Variants in SERINC4 observed in about 807,000 individuals in gnomAD.
SERINC4 encodes the protein serine incorporator 4.
A neutral mutation model predicts 52.0 loss-of-function variants in SERINC4; 52 were observed. That is an observed-to-expected ratio of 1.00 (90% CI 0.80 to 1.26). The LOEUF is 1.26. Among genes scored for constraint, SERINC4 ranks in the 50% most tolerant of loss-of-function variants. SERINC4 has a pLI of 0.00. For synonymous variants in SERINC4, 264 were observed against 247.7 expected, an observed-to-expected ratio of 1.07 and a Z score of -0.62; for missense variants, 723 against 632.8, an observed-to-expected ratio of 1.14 and a Z score of -1.53.
chr15:43,794,242 C>T lies in SERINC4; in HGVS notation c.*758G>A. 1 of 424,126 alleles carries T rather than the reference C, an allele frequency of 2.4e-6. No homozygotes were observed. The highest frequency in any genetic ancestry group is 4.7e-5 in the South Asian group (1 of 21,320). 26.3% of individuals were successfully genotyped at this position (424,126 alleles called of 1,614,324 possible). A position where few individuals can be genotyped will look rare whatever the true frequency, so the allele number is the denominator to read the frequency against. On this transcript the variant is annotated 3_prime_UTR_variant, in exon 12 of 12. Transcript: ENST00000319327. ...TCCGGATATGCAGTAGAGGAATCCT[C>T]TAAGAACCATAGAGACTTCTTTTCT...
At chr15:43,798,600 T>C (rs3759791) in intron 3 of SERINC4, 96 bp from the exon 4 acceptor site, 106,406 of 887,828 alleles carry the variant, frequency 0.12, 8,301 homozygotes, top group African/African-American at 0.28. Flanking sequence ...ACCAAAAATA[T>C]AGGAAAGAGG....
rs967197581 is a variant in SERINC4 at position 43,794,252 on chromosome 15, T to TA, written c.*747dup. On this transcript the variant is annotated 3_prime_UTR_variant, in exon 12 of 12. Transcript: ENST00000319327. ...CAGTAGAGGAATCCTCTAAGAACCA[T>TA]AGAGACTTCTTTTCTGTGATTTTTG... 1 of 366,422 alleles carries TA rather than the reference T, an allele frequency of 2.7e-6. No individual in the cohort carries two copies. The allele number at this position is 366,422 out of a possible 1,614,324, so 22.7% of individuals were successfully genotyped here. A position where few individuals can be genotyped will look rare whatever the true frequency, so the allele number is the denominator to read the frequency against.
chr15:43,798,721 A>G (rs765513625), intron 3 of SERINC4: 6 of 624,734 alleles, frequency 9.6e-6, no homozygotes, highest in Admixed American at 2.9e-5. Context: ...CATCTGGGCA[A>G]TGTTTTACAG....
chr15:43,796,946 G>T lies in SERINC4; in HGVS notation c.845-6C>A. The T allele has an allele frequency of 6.2e-7, 1 of 1,610,424 alleles. No individual in the cohort carries two copies. The highest frequency in any genetic ancestry group is 1.1e-5 in the South Asian group (1 of 90,920). ...GAGGCCAGAGCGGGGTTGCTCTGGG[G>T]AGTAAGTATAATTGCTTTAGTCTAC... On this transcript the variant is annotated splice_region_variant and splice_polypyrimidine_tract_variant and intron_variant, in intron 6 of 11. Coordinates refer to ENST00000319327, the MANE Select transcript of SERINC4 (RefSeq NM_001258031.2).
rs2087260633 is a variant in SERINC4 at position 43,798,774 on chromosome 15, C to T, written c.458+185G>A. The stretch of plus-strand genomic sequence containing the variant: ...TACCAAGATAACCCCACTGTTACCT[C>T]CATTTTAGATGCTAGAAGCACAAAG... On this transcript the variant is annotated intron_variant, in intron 3 of 11. Transcript: ENST00000319327. 1.4e-5 allele frequency: 9 copies of T among 654,038 alleles called. No homozygotes were observed. In the South Asian group the frequency reaches 1.5e-4, roughly 11 times the overall value. The allele number at this position is 654,038 out of a possible 1,614,324, so 40.5% of individuals were successfully genotyped here.
intron 9 of SERINC4, chr15:43,795,937 A>T: frequency 1.6e-6 from 1 of 642,394 alleles, no homozygotes; most frequent in Non-Finnish European, 2.7e-6. Flanking sequence ...TCCATTTGTA[A>T]AATGGAGCAA....
At chr15:43,799,665 A>T (rs1047472448) in intron 1 of SERINC4, 179 bp from the exon 2 acceptor site, 2 of 865,758 alleles carry the variant, frequency 2.3e-6, no homozygotes, top group Non-Finnish European at 3.8e-6. Flanking sequence ...CCGCCCACTG[A>T]CAACTTAGTA....
At chr15:43,795,875 A>G (rs1430230342) in intron 9 of SERINC4, 139 bp from the exon 10 acceptor site, 9 of 817,824 alleles carry the variant, frequency 1.1e-5, no homozygotes, top group Non-Finnish European at 1.5e-5. Context: ...TCCAGCATAT[A>G]AGTGGCTGTG....
chr15:43,796,234 AAGAAT>A lies in SERINC4; in HGVS notation c.1068-12_1068-8del. 1 of 1,610,406 alleles carries A rather than the reference AAGAAT, an allele frequency of 6.2e-7. No individual in the cohort carries two copies. Among genetic ancestry groups the A allele is most frequent in the Non-Finnish European group, 8.5e-7 (1 of 1,176,634 alleles). Reference sequence around the variant, plus strand: ...CAGGTAGGAGGCCTCATTGCTGAGAAAGAATAGAGTTCTTAAGCTGGTTTAGTTAA... The same window carrying A: ...CAGGTAGGAGGCCTCATTGCTGAGAAAGAGTTCTTAAGCTGGTTTAGTTAA... On this transcript the variant is annotated splice_polypyrimidine_tract_variant and splice_region_variant and intron_variant, in intron 8 of 11. Transcript: ENST00000319327.
Position 43,797,306 on chromosome 15 carries a change from G to C in SERINC4, c.683C>G (p.Ala228Gly), listed in dbSNP as rs1215857782. 2.6e-6 allele frequency: 4 copies of C among 1,549,490 alleles called. No individual in the cohort carries two copies. In the Admixed American group the frequency reaches 7.8e-5, roughly 30 times the overall value. ...TGCCATGCTGTAGAATCCTAGGGTG[G>C]CCAGCAGGACAGCCAGGAACCAGCT... ...DCSWFLAVLLATLGFYSMAGV... is the reference protein window; with the variant it reads ...DCSWFLAVLLGTLGFYSMAGV... Residue 228 changes from alanine to glycine, a missense_variant, in exon 6 of 12, where the codon GCC (alanine) becomes GGC (glycine). By Grantham distance (60) the Ala-to-Gly change is moderately conservative. Transcript: ENST00000319327.
Position 43,799,408 on chromosome 15 carries a change from G to T in SERINC4, c.181C>A (p.Arg61Ser). 6.4e-7 allele frequency: 1 copy of T among 1,550,820 alleles called. No individual in the cohort carries two copies. Among genetic ancestry groups the T allele is most frequent in the Non-Finnish European group, 8.7e-7 (1 of 1,147,018 alleles). Reference sequence around the variant, plus strand: ...ACATGGAGGAGGATGTAGAACAGGCGGCTGCAAGTGGATGCGGTGAGAGAG... The same window carrying T: ...ACATGGAGGAGGATGTAGAACAGGCTGCTGCAAGTGGATGCGGTGAGAGAG... The part of the protein sequence containing the change: ...WPSLTASTCS[R>S]LFYILLHVGA... The change falls in exon 2 of 12, where the codon CGC becomes AGC. Residue 61 changes from arginine (R) to serine (S), a missense_variant. Coordinates refer to ENST00000319327, the MANE Select transcript of SERINC4 (RefSeq NM_001258031.2).
chr15:43,797,769 C>T, intron 5 of SERINC4, 151 bp downstream of exon 5: 1 of 619,696 alleles, frequency 1.6e-6, no homozygotes, highest in East Asian at 2.8e-5. Context: ...CCTACTTGGC[C>T]CACGCAGTCA....
At position 43,796,860 on chromosome 15, in the gene SERINC4, G is replaced by A. The variant is rs769151952; in HGVS notation, c.925C>T (p.Arg309Cys). 14 of 1,613,974 alleles carry A rather than the reference G, an allele frequency of 8.7e-6. No homozygotes were observed. The highest frequency in any genetic ancestry group is 1.7e-5 in the Admixed American group (1 of 60,010). ...TGTCCCTTACCTCTCTCTGGAGGAC[G>A]GCTGGACAGTGCAGAGAAAGTCAGA... ...MYLTFSALSS[R>C]PPERVILQGQ... is the part of the protein sequence containing the mutation. Residue 309 changes from arginine (R) to cysteine (C), a missense_variant, in exon 7 of 12, where the codon CGT (arginine) becomes TGT (cysteine). Arg to Cys is a radical substitution (Grantham distance 180, BLOSUM62 -3). Transcript: ENST00000319327.
At chr15:43,799,232 C>G (rs1275107356) in intron 2 of SERINC4, 78 bp downstream of exon 2, 33 of 1,512,814 alleles carry the variant, frequency 2.2e-5, no homozygotes, top group Non-Finnish European at 2.9e-5. Flanking sequence ...GTCTCCTGCC[C>G]CCAACCGAAA....
chr15:43,795,690 TTGTC>T lies in SERINC4; in HGVS notation c.1183_1186del (p.Asp395LysfsTer106), dbSNP rs754858046. On this transcript the variant is annotated frameshift_variant, in exon 10 of 12. Transcript: ENST00000319327. LOFTEE classifies it high-confidence loss of function. ...ATGGTTCCTCACTTGGCACTCACCT[TTGTC>T]TGCCTCCACTGTTTCAGGGCAGCAG... 2 of 1,614,066 alleles carry T rather than the reference TTGTC, an allele frequency of 1.2e-6. No homozygotes were observed. The highest frequency in any genetic ancestry group is 1.7e-6 in the Non-Finnish European group (2 of 1,179,952).
chr15:43,798,497 G>T lies in SERINC4; in HGVS notation c.466C>A (p.Leu156Ile). The stretch of plus-strand genomic sequence containing the variant: ...CCTAACAGGAACAGCAGCTTGAGGA[G>T]CCAGAAGCTGGTTAGGAGGGAGAAA... ...PRAQLHNSFWLLKLLFLLGLC... is the reference protein window; with the variant it reads ...PRAQLHNSFWILKLLFLLGLC... Residue 156 changes from leucine (L) to isoleucine (I), a missense_variant, in exon 4 of 12, where the codon CTC becomes ATC. By Grantham distance (5) the Leu-to-Ile change is conservative. Transcript: ENST00000319327. 1 of 1,612,444 alleles carries T rather than the reference G, an allele frequency of 6.2e-7. No individual in the cohort carries two copies.
rs1353399287 is a variant in SERINC4, at chr15:43,795,746, A to C, written c.1141-10T>G. The stretch of plus-strand genomic sequence containing the variant: ...AACACAGTGAGGGCTTCTGCAAAAC[A>C]GAACGCAGGTTTTGGAATGGTCTTA... On this transcript the variant is annotated splice_polypyrimidine_tract_variant and intron_variant, in intron 9 of 11. Transcript: ENST00000319327. 6.2e-6 allele frequency: 10 copies of C among 1,613,098 alleles called. No individual in the cohort carries two copies. In the African/African-American group the frequency reaches 1.3e-4, roughly 22 times the overall value.
intron 9 of SERINC4, 108 bp downstream of exon 9, chr15:43,796,047 G>A: frequency 2.4e-6 from 2 of 825,748 alleles, no homozygotes; most frequent in Middle Eastern, 6.1e-4. Context: ...TCAATAAAAG[G>A]TAACAGCAGC....
At position 43,798,517 on chromosome 15, in the gene SERINC4, GAGAA is replaced by G. The variant is rs1162744706; in HGVS notation, c.459-17_459-14del. 2 of 1,605,320 alleles carry G rather than the reference GAGAA, an allele frequency of 1.2e-6. No homozygotes were observed. The highest frequency in any genetic ancestry group is 1.7e-6 in the Non-Finnish European group (2 of 1,172,208). ...GAGGAGCCAGAAGCTGGTTAGGAGG[GAGAA>G]AGAAAAACAGACTCAGGAGAAAAGG... On this transcript the variant is annotated splice_polypyrimidine_tract_variant and intron_variant, in intron 3 of 11. Coordinates refer to ENST00000319327, the MANE Select transcript of SERINC4 (RefSeq NM_001258031.2).
Sources: gnomAD v4.1 joint callset for allele counts on GRCh38, gnomAD v4.1.1 for gene constraint, MANE v1.5 for transcripts, NCBI Gene and HGNC (gene_info 2026-07-23, HGNC 2026-07-21) for gene names.